CSMD1: variants seen among roughly 807,000 people sequenced by gnomAD.
CSMD1 encodes CUB and Sushi multiple domains 1.
Under a neutral mutation model 417.5 loss-of-function variants are expected in CSMD1, and 213 were observed. The ratio of observed to expected loss-of-function variants is 0.51; its 90% CI spans 0.46 to 0.57. CSMD1 has a LOEUF of 0.57. CSMD1 is among the 20% of genes least tolerant of loss of function. The pLI is 0.00. For missense variants in CSMD1, 6,923 were observed against 4,529.7 expected (o/e 1.53, Z -15.17); for synonymous variants, 2,862 against 1,736.8 (o/e 1.65, Z -16.11).
At chr8:4,561,968 C>T (rs1261154351) in intron 2 of CSMD1, among the ~76,000 whole-genome samples, 1 of 151,980 alleles carries the variant, frequency 6.6e-6, no homozygotes, top group Non-Finnish European at 1.5e-5. Context: ...AACGCCCATC[C>T]GGTAAACGAA....
At chr8:4,000,912 G>C (rs1007953926) in intron 4 of CSMD1, among the ~76,000 whole-genome samples, 1 of 151,964 alleles carries the variant, frequency 6.6e-6, no homozygotes, top group African/African-American at 2.4e-5. Context: ...AATTATCAAA[G>C]TCCACGTTAC....
chr8:3,018,696 T>C (rs373453055), intron 51 of CSMD1, 46 bp from the exon 52 acceptor site: 5 of 1,538,612 alleles, frequency 3.2e-6, no homozygotes, highest in African/African-American at 1.4e-5. Context: ...GTTATGCAGA[T>C]TACTCCTGTG....
chr8:4,207,514 T>C (rs1169472850), intron 3 of CSMD1, among the ~76,000 whole-genome samples: 1 of 152,156 alleles, frequency 6.6e-6, no homozygotes, highest in Non-Finnish European at 1.5e-5. Flanking sequence ...TAATATTTCT[T>C]AAACTGAAGT....
intron 6 of CSMD1, among the ~76,000 whole-genome samples, chr8:3,737,310 G>T (rs937310896): frequency 2.6e-5 from 4 of 152,110 alleles, no homozygotes; most frequent in African/African-American, 9.7e-5. Context: ...CCTTCAGGAG[G>T]CAAAGACAGC....
chr8:4,817,049 A>G (rs1490920435), intron 1 of CSMD1, among the ~76,000 whole-genome samples: 1 of 152,232 alleles, frequency 6.6e-6, no homozygotes, highest in African/African-American at 2.4e-5. Flanking sequence ...TAAGATTTAT[A>G]GACATATATG....
intron 3 of CSMD1, among the ~76,000 whole-genome samples, chr8:4,387,032 C>T (rs572809505): frequency 6.6e-6 from 1 of 152,212 alleles, no homozygotes; most frequent in South Asian, 2.1e-4. Flanking sequence ...GTTTGAGATA[C>T]ATGGGGGATA....
intron 5 of CSMD1, among the ~76,000 whole-genome samples, chr8:3,926,714 C>CTTTTTTTTTTTTTTT (rs56721822): frequency 9.7e-6 from 1 of 103,496 alleles, no homozygotes; most frequent in African/African-American, 4.0e-5. Context: ...AAATTGACAC[C>CTTTTTTTTTTTTTTT]TTTTTTTTTT....
chr8:4,884,157 C>T (rs1803579592), intron 1 of CSMD1, among the ~76,000 whole-genome samples: 1 of 151,882 alleles, frequency 6.6e-6, no homozygotes, highest in African/African-American at 2.4e-5. Flanking sequence ...CCTTTTGCTT[C>T]TTTTAAAAAA....
intron 2 of CSMD1, among the ~76,000 whole-genome samples, chr8:4,545,619 G>T (rs78478189): frequency 6.6e-6 from 1 of 152,250 alleles, no homozygotes; most frequent in South Asian, 2.1e-4. Context: ...AGAAAAAGTG[G>T]TTGGCTGGTT....
At chr8:4,348,648 GGA>G (rs750381880) in intron 3 of CSMD1, among the ~76,000 whole-genome samples, 122 of 110,230 alleles carry the variant, frequency 1.1e-3, no homozygotes, top group African/African-American at 1.7e-3. Flanking sequence ...AGAGGGAGGG[GGA>G]GAGAGAGAGA....
intron 4 of CSMD1, among the ~76,000 whole-genome samples, chr8:4,008,704 G>T (rs141565701): frequency 0.014 from 2,025 of 141,328 alleles, 49 homozygotes; most frequent in African/African-American, 0.051. Flanking sequence ...TCCCCATCCC[G>T]GGTTCACATC....
chr8:4,148,966 CTTT>C (rs33925411), intron 3 of CSMD1, among the ~76,000 whole-genome samples: 3 of 145,712 alleles, frequency 2.1e-5, no homozygotes, highest in Non-Finnish European at 3.0e-5. Context: ...TTCATATTAA[CTTT>C]TTTTTTTTTT....
chr8:3,997,940 A>C lies in CSMD1; in HGVS notation c.781T>G (p.Phe261Val), dbSNP rs375447638. 2.5e-4 allele frequency: 398 copies of C among 1,612,326 alleles called. 1 individual carries two copies. The highest frequency in any genetic ancestry group is 3.3e-4 in the Non-Finnish European group (393 of 1,179,278). ...GCTTCCGTGCCACTGATCTCTAAGA[A>C]ATCATATCCTTCTTCTAGCTGAAAG... ...TDFQLEEGYDFLEISGTEAPS... is the reference protein window; with the variant it reads ...TDFQLEEGYDVLEISGTEAPS... The change falls in exon 5 of 70, where the codon TTC becomes GTC. Residue 261 changes from phenylalanine to valine, a missense_variant. Physicochemically the swap from Phe to Val is conservative, Grantham distance 50 (BLOSUM62 -1). Transcript: ENST00000635120.
chr8:3,000,424 T>C (rs1807300889), intron 52 of CSMD1, among the ~76,000 whole-genome samples: 1 of 152,082 alleles, frequency 6.6e-6, no homozygotes, highest in South Asian at 2.1e-4. Context: ...TATTCAGTTA[T>C]TTACCTTGTT....
chr8:4,296,043 C>CA (rs1211418308), intron 3 of CSMD1, among the ~76,000 whole-genome samples: 10 of 151,880 alleles, frequency 6.6e-5, no homozygotes, highest in Admixed American at 2.6e-4. Flanking sequence ...TGTCTAATTG[C>CA]AAAAAAGACT....
chr8:4,609,803 A>G (rs1214134173), intron 2 of CSMD1, among the ~76,000 whole-genome samples: 3 of 152,204 alleles, frequency 2.0e-5, no homozygotes, highest in African/African-American at 7.2e-5. Context: ...GATTATGGTG[A>G]GAATATACGA....
At chr8:4,058,606 G>T (rs1056677173) in intron 3 of CSMD1, among the ~76,000 whole-genome samples, 59 of 151,166 alleles carry the variant, frequency 3.9e-4, no homozygotes, top group African/African-American at 1.4e-3. Flanking sequence ...GATCTACCAA[G>T]CAAATGGAAA....
intron 19 of CSMD1, 35 bp downstream of exon 19, chr8:3,369,219 A>T (rs6984292): frequency 0.22 from 223,258 of 998,878 alleles, 26,006 homozygotes; most frequent in African/African-American, 0.3. Context: ...CTCATTTATT[A>T]GTCTGTATGT....
At chr8:4,427,543 G>A (rs976966030) in intron 2 of CSMD1, among the ~76,000 whole-genome samples, 1 of 151,968 alleles carries the variant, frequency 6.6e-6, no homozygotes, top group Non-Finnish European at 1.5e-5. Flanking sequence ...AGTGAATCAT[G>A]TGAGTATATA....
Sources: allele counts gnomAD v4.1 joint callset (sites outside exome capture counted in the v4.1 genomes callset), GRCh38; gene constraint gnomAD v4.1.1; transcripts MANE v1.5; gene names NCBI Gene and HGNC (gene_info 2026-07-23, HGNC 2026-07-21).